GTF2IRD1: variants seen among roughly 807,000 people sequenced by gnomAD.
GTF2IRD1 encodes GTF2I repeat domain containing 1.
A neutral mutation model predicts 113.2 loss-of-function variants in GTF2IRD1; 26 were observed. The ratio of observed to expected loss-of-function variants is 0.23; its 90% CI spans 0.17 to 0.32. The LOEUF is 0.32. Among genes scored for constraint, GTF2IRD1 ranks in the 10% least tolerant of loss-of-function variants. The pLI, the probability that GTF2IRD1 is intolerant of heterozygous loss-of-function variation, is 1.00. For synonymous variants in GTF2IRD1, 484 were observed against 529.1 expected (o/e 0.91, Z 1.17); for missense variants, 864 against 1,280.8 (o/e 0.67, Z 4.97).
At chr7:74,595,076 C>G (rs1554371798) in intron 25 of GTF2IRD1, 25 bp downstream of exon 25, 3 of 1,560,742 alleles carry the variant, frequency 1.9e-6, no homozygotes, top group Non-Finnish European at 2.6e-6. Context: ...AAGAAGCCAC[C>G]CTTCTGCTCC....
intron 1 of GTF2IRD1, among the ~76,000 whole-genome samples, chr7:74,498,218 G>T (rs1273392555): frequency 6.6e-6 from 1 of 151,432 alleles, no homozygotes; most frequent in Admixed American, 6.6e-5. Context: ...GCCCAGGCTG[G>T]TCTCGAGCTC....
At chr7:74,528,850 GAT>G (rs1797775261) in intron 8 of GTF2IRD1, among the ~76,000 whole-genome samples, 1 of 149,948 alleles carries the variant, frequency 6.7e-6, no homozygotes, top group Non-Finnish European at 1.5e-5. Context: ...TGGATGAAAG[GAT>G]GGATGGATGA....
intron 23 of GTF2IRD1, among the ~76,000 whole-genome samples, chr7:74,590,162 C>G (rs1351000066): frequency 1.1e-4 from 17 of 151,902 alleles, no homozygotes; most frequent in Admixed American, 9.2e-4. Flanking sequence ...CTCACTGCAG[C>G]CTTCACCTCC....
intron 1 of GTF2IRD1, among the ~76,000 whole-genome samples, chr7:74,483,731 T>A (rs1554335078): frequency 1.3e-5 from 2 of 151,958 alleles, no homozygotes; most frequent in Non-Finnish European, 2.9e-5. Flanking sequence ...TTTAAAAAAA[T>A]TAGCAGGGAG....
chr7:74,528,731 A>G (rs1258019977), intron 8 of GTF2IRD1, among the ~76,000 whole-genome samples: 2 of 135,998 alleles, frequency 1.5e-5, no homozygotes, highest in Admixed American at 1.5e-4. Flanking sequence ...GGATGGATGG[A>G]TGGATGGATG....
rs1054767904 is a variant in GTF2IRD1, at chr7:74,565,558, C to T, written c.2320+5903C>T. Reference sequence around the variant, plus strand: ...AAAGAAAAAAGAAAACCCAGGACAGCTAACGGGGGCTGTTCAGGATATGCT... The same window carrying T: ...AAAGAAAAAAGAAAACCCAGGACAGTTAACGGGGGCTGTTCAGGATATGCT... On this transcript the variant is annotated intron_variant, in intron 22 of 26. Transcript: ENST00000424337. 2.0e-5 allele frequency among the ~76,000 whole-genome samples: 3 copies of T among 152,092 alleles called. No homozygotes were observed. The East Asian group carries it at 5.8e-4, about 29-fold the overall frequency.
At chr7:74,561,327 C>T (rs1446526481) in intron 22 of GTF2IRD1, among the ~76,000 whole-genome samples, 2 of 135,786 alleles carry the variant, frequency 1.5e-5, no homozygotes, top group African/African-American at 5.7e-5. Context: ...CCACCTTGGG[C>T]GACGGGACTA....
At chr7:74,486,214 G>A (rs558273888) in intron 1 of GTF2IRD1, among the ~76,000 whole-genome samples, 20 of 152,186 alleles carry the variant, frequency 1.3e-4, no homozygotes, top group South Asian at 4.2e-4. Flanking sequence ...CAAGTGATCC[G>A]CCCACACCGC....
chr7:74,521,102 G>A (rs1797268814), intron 6 of GTF2IRD1, 106 bp from the exon 7 acceptor site: 1 of 664,994 alleles, frequency 1.5e-6, no homozygotes, highest in Non-Finnish European at 2.7e-6. Context: ...GATGTCCCTG[G>A]CAGATGAGGC....
chr7:74,584,553 A>G (rs1325883759), intron 22 of GTF2IRD1, among the ~76,000 whole-genome samples: 3 of 152,192 alleles, frequency 2.0e-5, no homozygotes, highest in Admixed American at 2.0e-4. Context: ...AGGAAGTCAT[A>G]TAGGCATTTG....
At chr7:74,537,041 G>A (rs1313813752) in intron 11 of GTF2IRD1, among the ~76,000 whole-genome samples, 1 of 152,104 alleles carries the variant, frequency 6.6e-6, no homozygotes, top group African/African-American at 2.4e-5. Flanking sequence ...AGCCTGGGAG[G>A]TAAAGGCTGC....
intron 17 of GTF2IRD1, among the ~76,000 whole-genome samples, 173 bp downstream of exon 17, chr7:74,547,459 T>C (rs79450660): frequency 2.5e-4 from 38 of 150,048 alleles, no homozygotes; most frequent in Non-Finnish European, 3.7e-4. Flanking sequence ...TTTTTTTTTT[T>C]TGAGACAGAG....
Position 74,536,161 on chromosome 7 carries a change from C to T in GTF2IRD1, c.1301-6C>T. 1 of 1,599,738 alleles carries T rather than the reference C, an allele frequency of 6.3e-7. No homozygotes were observed. The highest frequency in any genetic ancestry group is 8.6e-7 in the Non-Finnish European group (1 of 1,166,980). ...TTCACCCTGACCTCCCTGACTCTCC[C>T]CACAGGGAACAAGTTTACCAAAGAC... On this transcript the variant is annotated splice_polypyrimidine_tract_variant and splice_region_variant and intron_variant, in intron 10 of 26. Transcript: ENST00000424337.
chr7:74,468,945 C>T (rs1355040235), intron 1 of GTF2IRD1, among the ~76,000 whole-genome samples: 1 of 151,520 alleles, frequency 6.6e-6, no homozygotes, highest in Non-Finnish European at 1.5e-5. Context: ...ATTAGCCGGG[C>T]GTGATGGTGG....
chr7:74,490,790 A>G (rs1795296440), intron 1 of GTF2IRD1, among the ~76,000 whole-genome samples: 1 of 151,996 alleles, frequency 6.6e-6, no homozygotes, highest in African/African-American at 2.4e-5. Flanking sequence ...GGTGTCCAGA[A>G]AAATCCGGCT....
chr7:74,498,602 C>T (rs1455602552), intron 1 of GTF2IRD1, among the ~76,000 whole-genome samples: 1 of 152,012 alleles, frequency 6.6e-6, no homozygotes, highest in Non-Finnish European at 1.5e-5. Flanking sequence ...ATTTGTCAGG[C>T]CCCTCCTCCC....
In GTF2IRD1 at chr7:74,537,689, G is replaced by A. The variant is rs143448943; in HGVS notation, c.1410-447G>A. Among the ~76,000 whole-genome samples the A allele has an allele frequency of 7.8e-3, 1,187 of 152,216 alleles. 7 individuals are homozygous for A. The highest frequency in any genetic ancestry group is 0.012 in the Non-Finnish European group (823 of 68,022). On this transcript the variant is annotated intron_variant, in intron 11 of 26. Coordinates refer to ENST00000424337, the MANE Select transcript of GTF2IRD1 (RefSeq NM_005685.4). The stretch of plus-strand genomic sequence containing the variant: ...TCAGGCCTCTCCCTGCAGTTCCCTG[G>A]GAGGGAGGGAATTAACCAAATCATC...
intron 20 of GTF2IRD1, 51 bp from the exon 21 acceptor site, chr7:74,558,810 C>G (rs1218582071): frequency 1.4e-5 from 21 of 1,470,020 alleles, no homozygotes; most frequent in Non-Finnish European, 1.5e-5. Flanking sequence ...GTACACACAC[C>G]CCACGCTGCC....
At chr7:74,570,362 CAAA>C (rs1174785376) in intron 22 of GTF2IRD1, among the ~76,000 whole-genome samples, 1 of 90,152 alleles carries the variant, frequency 1.1e-5, no homozygotes, top group Non-Finnish European at 2.3e-5. Flanking sequence ...GACTCTGTCT[CAAA>C]AAAAAAAAAA....
Sources: allele counts gnomAD v4.1 joint callset (sites outside exome capture counted in the v4.1 genomes callset), GRCh38; gene constraint gnomAD v4.1.1; transcripts MANE v1.5; gene names NCBI Gene and HGNC (gene_info 2026-07-23, HGNC 2026-07-21).